USP9X: variants seen among roughly 807,000 people sequenced by gnomAD.
USP9X encodes ubiquitin carboxyl-terminal hydrolase 9X.
A neutral mutation model predicts 190.3 loss-of-function variants in USP9X; 7 were observed. The ratio of observed to expected loss-of-function variants is 0.04; its 90% CI spans 0.02 to 0.07. USP9X has a LOEUF of 0.07. Among genes scored for constraint, USP9X ranks in the 10% least tolerant of loss-of-function variants. The probability of loss-of-function intolerance (pLI) is 1.00; values close to 1 mark genes in which losing one functional copy is unlikely to be tolerated. For missense variants in USP9X, 1,010 were observed against 1,916.9 expected (o/e 0.53, Z 8.83); for synonymous variants, 645 against 659.5 (o/e 0.98, Z 0.34).
intron 13 of USP9X, 26 bp from the exon 14 acceptor site, chrX:41,152,922 A>G (rs1156744118): frequency 1.7e-6 from 2 of 1,193,186 alleles, no homozygotes; most frequent in Admixed American, 2.3e-5. Context: ...TTGCCTAATT[A>G]TATTGTTAAG....
At chrX:41,229,857 A>G (rs375824200) in intron 43 of USP9X, 78 bp downstream of exon 43, 54 of 1,175,275 alleles carry the variant, frequency 4.6e-5, no homozygotes, top group Non-Finnish European at 5.8e-5. Flanking sequence ...GCCAGTGTTT[A>G]TGTATTAATG....
chrX:41,158,819 A>G (rs2147095736), intron 14 of USP9X, among the ~76,000 whole-genome samples: 1 of 111,766 alleles, frequency 8.9e-6, no homozygotes, highest in African/African-American at 3.3e-5. Flanking sequence ...TCCATCCAAC[A>G]ATAGTGAAAC....
At chrX:41,101,924 C>T (rs1190653248) in intron 1 of USP9X, among the ~76,000 whole-genome samples, 1 of 111,819 alleles carries the variant, frequency 8.9e-6, no homozygotes, top group Non-Finnish European at 1.9e-5. Flanking sequence ...AAACCAGTCA[C>T]AAAAGACCTC....
At chrX:41,106,979 T>C (rs2062074968) in intron 1 of USP9X, among the ~76,000 whole-genome samples, 2 of 103,103 alleles carry the variant, frequency 1.9e-5, no homozygotes, top group South Asian at 9.1e-4. Context: ...CTCTGCCGCC[T>C]GGGTTCAAGT....
intron 24 of USP9X, 96 bp downstream of exon 24, chrX:41,186,738 C>G: frequency 1.0e-6 from 1 of 957,634 alleles, no homozygotes; most frequent in Non-Finnish European, 1.5e-6. Flanking sequence ...CCCTTAATAT[C>G]AGTTTTGTCT....
chrX:41,211,899 C>T (rs1379214947), intron 33 of USP9X, among the ~76,000 whole-genome samples: 21 of 112,076 alleles, frequency 1.9e-4, no homozygotes, highest in Non-Finnish European at 3.6e-4. Context: ...TGCCTCTGCC[C>T]GGCCGCCCCT....
At chrX:41,226,071 C>T (rs1420439339) in intron 41 of USP9X, among the ~76,000 whole-genome samples, 1 of 111,548 alleles carries the variant, frequency 9.0e-6, no homozygotes, top group East Asian at 2.8e-4. Flanking sequence ...TGTATATGTC[C>T]ACAGATGACG....
At chrX:41,115,932 T>G (rs1032535514) in intron 1 of USP9X, among the ~76,000 whole-genome samples, 4 of 111,817 alleles carry the variant, frequency 3.6e-5, no homozygotes, top group Non-Finnish European at 5.6e-5. Flanking sequence ...GATAATTCTT[T>G]GTTCTAAAAG....
intron 26 of USP9X, among the ~76,000 whole-genome samples, chrX:41,194,168 A>G (rs771110316): frequency 8.9e-6 from 1 of 111,838 alleles, no homozygotes; most frequent in Admixed American, 9.5e-5. Context: ...TTATAGGCCT[A>G]TGGACTGTTT....
At chrX:41,134,307 TG>T (rs2062351963) in intron 4 of USP9X, among the ~76,000 whole-genome samples, 1 of 112,262 alleles carries the variant, frequency 8.9e-6, no homozygotes, top group East Asian at 2.8e-4. Context: ...ACAGAGACAC[TG>T]AGATAATTGA....
intron 1 of USP9X, among the ~76,000 whole-genome samples, chrX:41,099,102 T>TTTTTTTTTTG (rs2062016409): frequency 2.6e-5 from 2 of 77,444 alleles, no homozygotes; most frequent in Admixed American, 2.9e-4. Context: ...AATTGTTTTT[T>TTTTTTTTTTG]TTTTTTTTTT....
At chrX:41,185,238 G>A (rs1602011686) in intron 23 of USP9X, among the ~76,000 whole-genome samples, 2 of 111,972 alleles carry the variant, frequency 1.8e-5, no homozygotes, top group Non-Finnish European at 3.8e-5. Flanking sequence ...AAAACTTCAG[G>A]GATAAAGATT....
intron 4 of USP9X, among the ~76,000 whole-genome samples, chrX:41,134,046 T>C (rs2062349198): frequency 8.9e-6 from 1 of 112,401 alleles, no homozygotes; most frequent in Non-Finnish European, 1.9e-5. Flanking sequence ...TTTAATAGCA[T>C]TGACATTCAG....
In USP9X at chrX:41,235,990, A is replaced by G. The variant is rs1296227477; in HGVS notation, c.*3466A>G. 1 of 111,021 alleles carries G rather than the reference A, an allele frequency of 9.0e-6. No homozygotes were observed. The highest frequency in any genetic ancestry group is 1.9e-5 in the Non-Finnish European group (1 of 52,880). The allele number at this position is 111,021 out of a possible 1,213,427, so 9.1% of individuals were successfully genotyped here. A position where few individuals can be genotyped will look rare whatever the true frequency, so the allele number is the denominator to read the frequency against. ...CTTATGTTTTCCCATGAGCTATTTT[A>G]CTTTGCTGAATTTTGTGGGTAATTT... On this transcript the variant is annotated 3_prime_UTR_variant, in exon 45 of 45. Coordinates refer to ENST00000378308, the MANE Select transcript of USP9X (RefSeq NM_001039591.3).
chrX:41,235,499 C>T lies in USP9X; in HGVS notation c.*2975C>T. The T allele has an allele frequency of 8.9e-6, 1 of 112,816 alleles. No homozygotes were observed. The highest frequency in any genetic ancestry group is 3.6e-4 in the South Asian group (1 of 2,776). The allele number at this position is 112,816 out of a possible 1,213,427, so 9.3% of individuals were successfully genotyped here. A position where few individuals can be genotyped will look rare whatever the true frequency, so the allele number is the denominator to read the frequency against. On this transcript the variant is annotated 3_prime_UTR_variant, in exon 45 of 45. Coordinates refer to ENST00000378308, the MANE Select transcript of USP9X (RefSeq NM_001039591.3). ...AAACAGCCCCCAGAATTCTAAATGA[C>T]ACGATTATAGAAGACAGTAGAATGT...
At chrX:41,225,358 C>G (rs1435389000) in intron 41 of USP9X, among the ~76,000 whole-genome samples, 2 of 111,698 alleles carry the variant, frequency 1.8e-5, no homozygotes, top group Admixed American at 9.5e-5. Context: ...ACTTAATAAG[C>G]CTGTTTCTTT....
chrX:41,163,734 CA>C (rs771852864), intron 15 of USP9X, among the ~76,000 whole-genome samples: 169 of 79,279 alleles, frequency 2.1e-3, no homozygotes, highest in South Asian at 3.2e-3. Flanking sequence ...GACCCTGTCT[CA>C]AAAAAAAAAA....
intron 33 of USP9X, among the ~76,000 whole-genome samples, chrX:41,211,678 C>A (rs1246199713): frequency 3.8e-5 from 4 of 104,719 alleles, no homozygotes; most frequent in Non-Finnish European, 3.9e-5. Context: ...GTCAGCCCCC[C>A]ACCCGGCCAG....
At chrX:41,147,450 GTTTTTTTTTTT>G (rs760854080) in intron 11 of USP9X, among the ~76,000 whole-genome samples, 7 of 69,797 alleles carry the variant, frequency 1.0e-4, no homozygotes, top group Non-Finnish European at 1.3e-4. Flanking sequence ...CTTAATCGTT[GTTTTTTTTTTT>G]TTTTTTTTTG....
Sources: allele counts gnomAD v4.1 joint callset (sites outside exome capture counted in the v4.1 genomes callset), GRCh38; gene constraint gnomAD v4.1.1; transcripts MANE v1.5; gene names NCBI Gene and HGNC (gene_info 2026-07-23, HGNC 2026-07-21).